COX16: variants seen among roughly 807,000 people sequenced by gnomAD.
The protein encoded by COX16 is cytochrome c oxidase assembly factor COX16.
COX16 carries 12 observed loss-of-function variants against 15.4 expected under a neutral mutation model. The observed-to-expected ratio is 0.78, with a 90% CI of 0.50 to 1.26. COX16 has a LOEUF of 1.26. Among genes scored for constraint, COX16 ranks in the 50% most tolerant of loss-of-function variants. COX16 has a pLI of 0.00. For synonymous variants in COX16, 46 were observed against 41.1 expected (o/e 1.12, Z -0.46); for missense variants, 124 against 127.6 (o/e 0.97, Z 0.14).
chr14:70,342,131 CA>C (rs1470173644), intron 2 of COX16, among the ~76,000 whole-genome samples: 2 of 152,140 alleles, frequency 1.3e-5, no homozygotes, highest in Non-Finnish European at 2.9e-5. Context: ...AACAACATTG[CA>C]AATTTCCTAA....
At chr14:70,329,082 A>C in intron 3 of COX16, 92 bp downstream of exon 3, 1 of 1,185,376 alleles carries the variant, frequency 8.4e-7, no homozygotes. Flanking sequence ...TATATATTCA[A>C]CGTAATTTTT....
chr14:70,332,851 G>A (rs1445827619), intron 2 of COX16, among the ~76,000 whole-genome samples: 1 of 152,246 alleles, frequency 6.6e-6, no homozygotes. Flanking sequence ...AGGCATGCTT[G>A]TCTGGTACGC....
chr14:70,339,208 A>C (rs2140710180), intron 2 of COX16, among the ~76,000 whole-genome samples: 1 of 152,344 alleles, frequency 6.6e-6, no homozygotes, highest in South Asian at 2.1e-4. Flanking sequence ...CCAACAATGT[A>C]TGACCCATTA....
chr14:70,342,669 C>G lies in COX16; in HGVS notation c.130G>C (p.Val44Leu). The G allele has an allele frequency of 6.2e-7, 1 of 1,612,508 alleles. No homozygotes were observed. Among genetic ancestry groups the G allele is most frequent in the South Asian group, 1.1e-5 (1 of 90,354 alleles). Residue 44 changes from valine to leucine, a missense_variant, in exon 2 of 4, where the codon GTG (valine) becomes CTG (leucine). By Grantham distance (32) the Val-to-Leu change is conservative. Transcript: ENST00000389912. ...ATTATATTTCTTACTTTACTCTTCA[C>G]AGCATCATATCGGATTTGAGAAAAC... Reference protein sequence around the residue: ...REFSQIRYDAVKSKMDPELEK... With the variant: ...REFSQIRYDALKSKMDPELEK...
At chr14:70,327,107 T>C (rs917624539) in intron 3 of COX16, among the ~76,000 whole-genome samples, 2 of 152,128 alleles carry the variant, frequency 1.3e-5, no homozygotes, top group Non-Finnish European at 2.9e-5. Flanking sequence ...TGACATTAAC[T>C]TTTACATATC....
intron 1 of COX16, among the ~76,000 whole-genome samples, chr14:70,354,829 A>T (rs1379044267): frequency 7.0e-5 from 6 of 85,716 alleles, no homozygotes; most frequent in East Asian, 4.1e-4. Context: ...CTATGCATAG[A>T]GTGTGTGTGT....
intron 1 of COX16, among the ~76,000 whole-genome samples, chr14:70,346,100 T>TGTTAACC (rs1886771654): frequency 1.3e-5 from 2 of 152,088 alleles, no homozygotes; most frequent in Admixed American, 6.6e-5. Context: ...CTCCACTGCC[T>TGTTAACC]GTTAACCCTC....
At chr14:70,327,811 A>G (rs79260080) in intron 3 of COX16, among the ~76,000 whole-genome samples, 3,558 of 152,212 alleles carry the variant, frequency 0.023, 127 homozygotes, top group African/African-American at 0.08. Flanking sequence ...ATTCTACAAA[A>G]CGTGCACAGT....
At chr14:70,329,425 G>GAGTT (rs983276332) in intron 2 of COX16, among the ~76,000 whole-genome samples, 189 bp from the exon 3 acceptor site, 2 of 152,046 alleles carry the variant, frequency 1.3e-5, no homozygotes, top group East Asian at 1.9e-4. Flanking sequence ...CAACTAAAAA[G>GAGTT]AGTTAATATC....
chr14:70,351,184 C>G (rs1886942641), intron 1 of COX16, among the ~76,000 whole-genome samples: 1 of 152,158 alleles, frequency 6.6e-6, no homozygotes, highest in Admixed American at 6.5e-5. Context: ...CCCAATATAA[C>G]CACTGTTTCC....
At chr14:70,332,900 C>T (rs1456731976) in intron 2 of COX16, among the ~76,000 whole-genome samples, 1 of 152,222 alleles carries the variant, frequency 6.6e-6, no homozygotes, top group Non-Finnish European at 1.5e-5. Context: ...GGTCAGCATT[C>T]CCACACAGCC....
chr14:70,355,549 T>C (rs942886026), intron 1 of COX16, among the ~76,000 whole-genome samples: 2 of 152,182 alleles, frequency 1.3e-5, no homozygotes, highest in Admixed American at 6.5e-5. Context: ...AGATTAGTAC[T>C]GCAAAATCTG....
chr14:70,359,521 A>G lies in COX16; in HGVS notation c.67T>C (p.Leu23=). ...AAGATCCTCCTCACTCCACTCACCAACATGGGGACTCCATAGCCGAGAGTC... is the reference window on the plus strand; with the variant it reads ...AAGATCCTCCTCACTCCACTCACCAGCATGGGGACTCCATAGCCGAGAGTC... ...NKTLGYGVPM[L]LLIVGGSFGL... is the part of the protein sequence containing the mutation. The change falls in exon 1 of 4, where the codon TTG becomes CTG. Residue 23 remains leucine (L), a splice_region_variant and synonymous_variant. Transcript: ENST00000389912. The G allele has an allele frequency of 6.2e-7, 1 of 1,613,928 alleles. No individual in the cohort carries two copies. The highest frequency in any genetic ancestry group is 8.5e-7 in the Non-Finnish European group (1 of 1,179,806).
chr14:70,359,072 C>T, intron 1 of COX16: 1 of 384,646 alleles, frequency 2.6e-6, no homozygotes, highest in Non-Finnish European at 5.2e-6. Flanking sequence ...GGAATTCGTG[C>T]AGTTAAATGG....
intron 1 of COX16, among the ~76,000 whole-genome samples, chr14:70,350,179 C>T (rs11623974): frequency 0.47 from 71,677 of 151,950 alleles, 17,553 homozygotes; most frequent in South Asian, 0.55. Flanking sequence ...AGGCTCAAGG[C>T]TACTTGCGCC....
intron 2 of COX16, among the ~76,000 whole-genome samples, chr14:70,333,436 T>G (rs1038772504): frequency 6.6e-6 from 1 of 151,314 alleles, no homozygotes; most frequent in African/African-American, 2.4e-5. Context: ...ATACAATGAA[T>G]GAAACAAAAA....
intron 1 of COX16, among the ~76,000 whole-genome samples, chr14:70,355,806 G>A (rs1887106890): frequency 6.6e-6 from 1 of 152,284 alleles, no homozygotes; most frequent in South Asian, 2.1e-4. Context: ...TGGAGGGAAG[G>A]CCTAGTGGGA....
At chr14:70,350,016 C>T (rs1006261689) in intron 1 of COX16, among the ~76,000 whole-genome samples, 2 of 152,202 alleles carry the variant, frequency 1.3e-5, no homozygotes, top group Admixed American at 6.5e-5. Flanking sequence ...AAGGTGCCCA[C>T]GCCACCCCTA....
chr14:70,327,052 GAAGA>G (rs1886102737), intron 3 of COX16, among the ~76,000 whole-genome samples: 2 of 152,098 alleles, frequency 1.3e-5, no homozygotes, highest in African/African-American at 4.8e-5. Context: ...GAATAAAAGG[GAAGA>G]AATAAATGTT....
Sources: gnomAD v4.1 joint callset for allele counts (sites outside exome capture counted in the v4.1 genomes callset) on GRCh38, gnomAD v4.1.1 for gene constraint, MANE v1.5 for transcripts, NCBI Gene and HGNC (gene_info 2026-07-23, HGNC 2026-07-21) for gene names.